The following WDR45B variants were observed in gnomAD, a reference collection of about 807,000 sequenced individuals.
WDR45B encodes the protein WD repeat domain phosphoinositide-interacting protein 3.
In WDR45B, 20 loss-of-function variants were observed where a neutral mutation model predicts 44.6. The observed-to-expected ratio is 0.45, with a 90% CI of 0.32 to 0.65. WDR45B has a LOEUF of 0.65. Ranked by LOEUF, WDR45B falls within the 30% of genes least tolerant of loss-of-function variation. The probability of loss-of-function intolerance (pLI) is 0.05; values close to 1 mark genes in which losing one functional copy is unlikely to be tolerated. For missense variants in WDR45B, 323 were observed against 430.2 expected (o/e 0.75, Z 2.20); for synonymous variants, 169 against 164.9 (o/e 1.02, Z -0.19).
intron 3 of WDR45B, among the ~76,000 whole-genome samples, chr17:82,627,815 C>G (rs2045718949): frequency 6.6e-6 from 1 of 152,234 alleles, no homozygotes; most frequent in African/African-American, 2.4e-5. Context: ...CCTGACCTTC[C>G]TTGATTCCAC....
intron 6 of WDR45B, 123 bp downstream of exon 6, chr17:82,621,486 C>T: frequency 7.8e-7 from 1 of 1,288,406 alleles, no homozygotes; most frequent in Admixed American, 1.9e-5. Context: ...GTCCACAGGC[C>T]CCTGAGGGGC....
At chr17:82,641,656 G>A (rs1230696643) in intron 2 of WDR45B, among the ~76,000 whole-genome samples, 1 of 152,178 alleles carries the variant, frequency 6.6e-6, no homozygotes, top group South Asian at 2.1e-4. Context: ...CAGCACTTTG[G>A]GAGGACAAGG....
At chr17:82,624,833 T>C (rs2045673832) in intron 5 of WDR45B, among the ~76,000 whole-genome samples, 1 of 150,210 alleles carries the variant, frequency 6.7e-6, no homozygotes, top group Non-Finnish European at 1.5e-5. Flanking sequence ...TTAGCCAGGA[T>C]GGTCTTAATC....
chr17:82,614,715 G>C lies in WDR45B; in HGVS notation c.*1204C>G, dbSNP rs556582146. ...CAGAGAATTAGCTGATTACATGACAGTGACAGTAAAGAACTAAAGAAACCG... is the reference window on the plus strand; with the variant it reads ...CAGAGAATTAGCTGATTACATGACACTGACAGTAAAGAACTAAAGAAACCG... On this transcript the variant is annotated 3_prime_UTR_variant, in exon 10 of 10. Coordinates refer to ENST00000392325, the MANE Select transcript of WDR45B (RefSeq NM_019613.4). 1 of 152,706 alleles carries C rather than the reference G, an allele frequency of 6.5e-6. No homozygotes were observed. Among genetic ancestry groups the C allele is most frequent in the Admixed American group, 6.5e-5 (1 of 15,304 alleles). 9.5% of individuals were successfully genotyped at this position (152,706 alleles called of 1,614,324 possible). A position where few individuals can be genotyped will look rare whatever the true frequency, so the allele number is the denominator to read the frequency against.
intron 7 of WDR45B, among the ~76,000 whole-genome samples, chr17:82,618,664 G>C (rs974091032): frequency 8.5e-5 from 13 of 152,116 alleles, no homozygotes; most frequent in Non-Finnish European, 1.3e-4. Flanking sequence ...TTGGGCCCAG[G>C]TCGAGGCTGT....
intron 2 of WDR45B, among the ~76,000 whole-genome samples, chr17:82,640,956 GT>G (rs1251355677): frequency 7.3e-6 from 1 of 137,296 alleles, no homozygotes; most frequent in Admixed American, 8.0e-5. Flanking sequence ...AGTTTTAGAT[GT>G]TTCTTGTCTG....
Position 82,619,073 on chromosome 17 carries a change from C to T in WDR45B, c.674G>A (p.Arg225Gln), listed in dbSNP as rs768488210. 1.9e-6 allele frequency: 3 copies of T among 1,614,172 alleles called. No individual in the cohort carries two copies. Among genetic ancestry groups the T allele is most frequent in the Admixed American group, 1.7e-5 (1 of 60,018 alleles). Reference sequence around the variant, plus strand: ...AATATTGGCTGCTTGAGATCCTCTTCGCAGTTCCTGGATTAAATGCCCTGA... The same window carrying T: ...AATATTGGCTGCTTGAGATCCTCTTTGCAGTTCCTGGATTAAATGCCCTGA... ...TSSGHLIQEL[R>Q]RGSQAANIYC... is the part of the protein sequence containing the mutation. The change falls in exon 7 of 10, where the codon CGA becomes CAA. Residue 225 changes from arginine (R) to glutamine (Q), a missense_variant. By Grantham distance (43) the Arg-to-Gln change is conservative. Coordinates refer to ENST00000392325, the MANE Select transcript of WDR45B (RefSeq NM_019613.4).
chr17:82,627,083 CA>C, intron 4 of WDR45B, 120 bp downstream of exon 4: 1 of 856,512 alleles, frequency 1.2e-6, no homozygotes, highest in South Asian at 1.3e-5. Flanking sequence ...TCATAAAAAC[CA>C]GGACCAACAT....
In WDR45B at chr17:82,621,799, C is replaced by T; in HGVS notation, c.428G>A (p.Gly143Asp). The T allele has an allele frequency of 6.2e-7, 1 of 1,614,102 alleles. No homozygotes were observed. Among genetic ancestry groups the T allele is most frequent in the Non-Finnish European group, 8.5e-7 (1 of 1,180,030 alleles). The change falls in exon 6 of 10, where the codon GGC (glycine) becomes GAC (aspartate). Residue 143 changes from glycine (G) to aspartate (D), a missense_variant and splice_region_variant. Physicochemically the swap from Gly to Asp is moderately conservative, Grantham distance 94 (BLOSUM62 -1). Coordinates refer to ENST00000392325, the MANE Select transcript of WDR45B (RefSeq NM_019613.4). ...ACTATTGGGACAAAGGACACAGAGG[C>T]CTGCGTGGAGACAGAGGACACCAAT... The part of the protein sequence containing the change: ...HVFETCYNPK[G>D]LCVLCPNSNN...
At chr17:82,636,701 T>G (rs140206678) in intron 2 of WDR45B, 2 of 152,192 alleles carry the variant, frequency 1.3e-5, no homozygotes, top group African/African-American at 4.8e-5. Flanking sequence ...GCCTGTTAAC[T>G]TCCTTATCCT....
intron 1 of WDR45B, 118 bp from the exon 2 acceptor site, chr17:82,644,141 G>A (rs1043421521): frequency 1.7e-5 from 15 of 896,056 alleles, no homozygotes; most frequent in African/African-American, 1.2e-4. Context: ...ACACAGACAC[G>A]ATAGGTGCTA....
At chr17:82,618,308 G>T (rs1598258139) in intron 7 of WDR45B, among the ~76,000 whole-genome samples, 2 of 152,212 alleles carry the variant, frequency 1.3e-5, no homozygotes, top group Non-Finnish European at 2.9e-5. Flanking sequence ...CCTCCTGGCC[G>T]TGGCCACAGG....
At chr17:82,619,943 A>G (rs1385089380) in intron 6 of WDR45B, among the ~76,000 whole-genome samples, 2 of 152,224 alleles carry the variant, frequency 1.3e-5, no homozygotes, top group Non-Finnish European at 2.9e-5. Context: ...GCTGCGGCTA[A>G]GAAAGCAGGA....
At chr17:82,632,725 G>A (rs551268461) in intron 2 of WDR45B, among the ~76,000 whole-genome samples, 58 of 152,110 alleles carry the variant, frequency 3.8e-4, no homozygotes, top group Admixed American at 7.2e-4. Context: ...CTCGATCTTC[G>A]AGATATTTAA....
chr17:82,640,453 C>A (rs1168853463), intron 2 of WDR45B, among the ~76,000 whole-genome samples: 3 of 151,328 alleles, frequency 2.0e-5, no homozygotes, highest in Non-Finnish European at 2.9e-5. Context: ...CTGGTTCAAG[C>A]AATTCTCCTG....
chr17:82,648,243 C>A (rs760013050), intron 1 of WDR45B, 31 bp downstream of exon 1: 1 of 1,594,880 alleles, frequency 6.3e-7, no homozygotes, highest in African/African-American at 1.4e-5. Flanking sequence ...AAGGCCCGGC[C>A]GGGCAAGGCG....
intron 2 of WDR45B, 26 bp from the exon 3 acceptor site, chr17:82,631,048 A>G (rs1190727733): frequency 6.3e-7 from 1 of 1,592,578 alleles, no homozygotes; most frequent in Non-Finnish European, 8.6e-7. Flanking sequence ...TAAAAAGACC[A>G]ATGTTACAAG....
At chr17:82,638,724 T>C (rs2045871455) in intron 2 of WDR45B, among the ~76,000 whole-genome samples, 1 of 152,076 alleles carries the variant, frequency 6.6e-6, no homozygotes, top group African/African-American at 2.4e-5. Flanking sequence ...TGTGGAGTTT[T>C]ATTTTTAAAG....
chr17:82,635,642 C>T (rs2045823379), intron 2 of WDR45B, among the ~76,000 whole-genome samples: 1 of 151,556 alleles, frequency 6.6e-6, no homozygotes, highest in Admixed American at 6.6e-5. Flanking sequence ...AGGCTGGTCT[C>T]GAACTCCTGA....
Sources: gnomAD v4.1 joint callset for allele counts (sites outside exome capture counted in the v4.1 genomes callset) on GRCh38, gnomAD v4.1.1 for gene constraint, MANE v1.5 for transcripts, NCBI Gene and HGNC (gene_info 2026-07-23, HGNC 2026-07-21) for gene names.